IGFBP7: variants seen among roughly 807,000 people sequenced by gnomAD.
IGFBP7 encodes insulin-like growth factor-binding protein 7.
Under a neutral mutation model 29.4 loss-of-function variants are expected in IGFBP7, and 31 were observed. That is an observed-to-expected ratio of 1.05 (90% CI 0.79 to 1.42). IGFBP7 has a LOEUF of 1.42. Among genes scored for constraint, IGFBP7 ranks in the 40% most tolerant of loss-of-function variants. The pLI, the probability that IGFBP7 is intolerant of heterozygous loss-of-function variation, is 0.00. For synonymous variants in IGFBP7, 172 were observed against 174.9 expected (o/e 0.98, Z 0.13); for missense variants, 393 against 395.5 (o/e 0.99, Z 0.05).
At chr4:57,092,862 ATATT>A (rs1346681851) in intron 1 of IGFBP7, among the ~76,000 whole-genome samples, 1 of 151,322 alleles carries the variant, frequency 6.6e-6, no homozygotes, top group Non-Finnish European at 1.5e-5. Flanking sequence ...AATTTATAAA[ATATT>A]TAAGTACATG....
At chr4:57,035,047 A>C (rs1215990000) in intron 2 of IGFBP7, among the ~76,000 whole-genome samples, 9 of 152,118 alleles carry the variant, frequency 5.9e-5, no homozygotes, top group Admixed American at 5.2e-4. Context: ...AAGTAATATG[A>C]CTCTGACCTT....
At chr4:57,036,513 C>T (rs942279786) in intron 2 of IGFBP7, among the ~76,000 whole-genome samples, 4 of 152,186 alleles carry the variant, frequency 2.6e-5, no homozygotes, top group African/African-American at 7.2e-5. Context: ...GTTTTGCTTT[C>T]GCTGTGAGCA....
intron 1 of IGFBP7, among the ~76,000 whole-genome samples, chr4:57,054,786 C>T (rs940793886): frequency 3.3e-5 from 5 of 152,042 alleles, no homozygotes; most frequent in Admixed American, 2.6e-4. Flanking sequence ...CGCTGAAGGC[C>T]AAGGCCTGAA....
chr4:57,031,388 G>A, intron 4 of IGFBP7, 52 bp from the exon 5 acceptor site: 1 of 1,412,942 alleles, frequency 7.1e-7, no homozygotes, highest in Non-Finnish European at 9.9e-7. Flanking sequence ...GGATGTGGTT[G>A]ACTTTTGAAT....
chr4:57,039,674 A>C (rs1047234947), intron 2 of IGFBP7, among the ~76,000 whole-genome samples: 2 of 138,938 alleles, frequency 1.4e-5, no homozygotes, highest in African/African-American at 5.5e-5. Flanking sequence ...GAGACAGGCT[A>C]GAGTGCAGTG....
intron 1 of IGFBP7, among the ~76,000 whole-genome samples, chr4:57,058,294 T>C (rs1168119390): frequency 6.6e-6 from 1 of 152,132 alleles, no homozygotes; most frequent in Non-Finnish European, 1.5e-5. Context: ...GTTCAATTCC[T>C]AATAATTAGG....
intron 1 of IGFBP7, among the ~76,000 whole-genome samples, chr4:57,101,761 C>T (rs138718593): frequency 1.6e-4 from 24 of 146,274 alleles, no homozygotes; most frequent in African/African-American, 4.8e-4. Context: ...GTGGAGGAGA[C>T]GGTCTTGATT....
chr4:57,079,587 G>A (rs1332872014), intron 1 of IGFBP7, among the ~76,000 whole-genome samples: 1 of 152,152 alleles, frequency 6.6e-6, no homozygotes, highest in Non-Finnish European at 1.5e-5. Flanking sequence ...CTACACTGAA[G>A]TTTCAGTCTT....
chr4:57,033,349 C>T, intron 2 of IGFBP7, 38 bp from the exon 3 acceptor site: 1 of 1,328,850 alleles, frequency 7.5e-7, no homozygotes, highest in Non-Finnish European at 1.1e-6. Flanking sequence ...GAGTTTTGTA[C>T]ACCAGATCAT....
intron 1 of IGFBP7, among the ~76,000 whole-genome samples, chr4:57,056,370 T>G (rs912097830): frequency 1.3e-4 from 20 of 152,162 alleles, no homozygotes; most frequent in African/African-American, 4.8e-4. Context: ...GGGCTAGTTC[T>G]TCTCGTGTGT....
At chr4:57,055,449 G>A (rs1724635469) in intron 1 of IGFBP7, among the ~76,000 whole-genome samples, 1 of 152,204 alleles carries the variant, frequency 6.6e-6, no homozygotes, top group African/African-American at 2.4e-5. Flanking sequence ...TAGAAAGGAG[G>A]AGAGGGGGAC....
intron 1 of IGFBP7, among the ~76,000 whole-genome samples, chr4:57,051,607 T>C (rs1044828372): frequency 6.6e-6 from 1 of 152,196 alleles, no homozygotes; most frequent in Non-Finnish European, 1.5e-5. Flanking sequence ...TGGGGAGGCT[T>C]AGCGCATTAA....
chr4:57,031,424 TAAATG>T (rs1723924015), intron 4 of IGFBP7, 88 bp from the exon 5 acceptor site: 1 of 914,042 alleles, frequency 1.1e-6, no homozygotes, highest in Non-Finnish European at 1.8e-6. Flanking sequence ...TGTTTCCAAA[TAAATG>T]AAGATGTTAA....
Position 57,083,396 on chromosome 4 carries a change from T to G in IGFBP7, c.475+26481A>C, listed in dbSNP as rs143937264. ...TGTTGTTCTAATTGCATTTCAGGAC[T>G]TGTTGTGAAGTTGAGCAACTCTTCA... On this transcript the variant is annotated intron_variant, in intron 1 of 4. Transcript: ENST00000295666. Among the ~76,000 whole-genome samples the G allele has an allele frequency of 3.1e-3, 479 of 152,284 alleles. 1 individual carries two copies. Among genetic ancestry groups the G allele is most frequent in the African/African-American group, 0.011 (461 of 41,542 alleles).
At chr4:57,073,058 T>G in intron 1 of IGFBP7, 1 of 1,441,852 alleles carries the variant, frequency 6.9e-7, no homozygotes. Context: ...TGCCAAGCTC[T>G]GGAAACCCCC....
At chr4:57,077,275 A>G (rs923673011) in intron 1 of IGFBP7, among the ~76,000 whole-genome samples, 3 of 152,102 alleles carry the variant, frequency 2.0e-5, no homozygotes, top group Non-Finnish European at 4.4e-5. Context: ...CAAGAAAGGC[A>G]TATTTATTTA....
chr4:57,057,234 TC>T (rs1724695785), intron 1 of IGFBP7, among the ~76,000 whole-genome samples: 1 of 152,244 alleles, frequency 6.6e-6, no homozygotes, highest in African/African-American at 2.4e-5. Flanking sequence ...GGTCTCGAAC[TC>T]CTGGGCTCAA....
chr4:57,041,234 T>C (rs1448650960), intron 1 of IGFBP7, among the ~76,000 whole-genome samples: 2 of 152,246 alleles, frequency 1.3e-5, no homozygotes, highest in Non-Finnish European at 2.9e-5. Context: ...TTTTATTATC[T>C]GGGACTTTTC....
chr4:57,054,632 T>C (rs1290785913), intron 1 of IGFBP7, among the ~76,000 whole-genome samples: 1 of 10,670 alleles, frequency 9.4e-5, no homozygotes, highest in African/African-American at 2.1e-4. Flanking sequence ...AGCGAGGCTC[T>C]CTCTCACAAA....
Sources: allele counts gnomAD v4.1 joint callset (sites outside exome capture counted in the v4.1 genomes callset), GRCh38; gene constraint gnomAD v4.1.1; transcripts MANE v1.5; gene names NCBI Gene and HGNC (gene_info 2026-07-23, HGNC 2026-07-21).